Variants in MDN1 observed in about 807,000 individuals in gnomAD.
The protein encoded by MDN1 is midasin AAA ATPase 1.
A neutral mutation model predicts 669.2 loss-of-function variants in MDN1; 266 were observed. That is an observed-to-expected ratio of 0.40 (90% confidence interval 0.36 to 0.44). MDN1 has a LOEUF of 0.44. Ranked by LOEUF, MDN1 falls within the 20% of genes least tolerant of loss-of-function variation. The probability of loss-of-function intolerance (pLI) is 1.00; values close to 1 mark genes in which losing one functional copy is unlikely to be tolerated. For missense variants in MDN1, 5,940 were observed against 6,754.0 expected, an observed-to-expected ratio of 0.88 and a Z score of 4.22; for synonymous variants, 2,385 against 2,457.1, an observed-to-expected ratio of 0.97 and a Z score of 0.87.
At chr6:89,782,068 C>T (rs922419886) in intron 9 of MDN1, among the ~76,000 whole-genome samples, 6 of 152,152 alleles carry the variant, frequency 3.9e-5, no homozygotes, top group African/African-American at 1.4e-4. Flanking sequence ...CTCCTGTTCC[C>T]ACCCACCTAT....
intron 9 of MDN1, among the ~76,000 whole-genome samples, chr6:89,784,671 C>G (rs1818860731): frequency 6.6e-6 from 1 of 152,126 alleles, no homozygotes; most frequent in African/African-American, 2.4e-5. Context: ...TACTTCAAAT[C>G]AACTTAGTAA....
At chr6:89,670,870 T>G (rs1810704083) in intron 83 of MDN1, 49 bp downstream of exon 83, 1 of 1,564,002 alleles carries the variant, frequency 6.4e-7, no homozygotes, top group Non-Finnish European at 8.7e-7. Context: ...TGACATGAAA[T>G]TTACTTGGGT....
chr6:89,816,525 G>C (rs1768845338), intron 1 of MDN1, among the ~76,000 whole-genome samples: 1 of 151,870 alleles, frequency 6.6e-6, no homozygotes, highest in African/African-American at 2.4e-5. Context: ...AGGAGTTCTA[G>C]ACCAGCCTGG....
At position 89,654,332 on chromosome 6, in the gene MDN1, C is replaced by T; in HGVS notation, c.15493G>A (p.Val5165Met). Residue 5165 changes from valine to methionine, a missense_variant and splice_region_variant, in exon 93 of 102, where the codon GTG becomes ATG. Val to Met is a conservative substitution (Grantham distance 21). This residue lies in a region of MDN1 where 2,280 missense variants were observed against 2,576.3 expected (regional missense o/e 0.88). Coordinates refer to ENST00000369393, the MANE Select transcript of MDN1 (RefSeq NM_014611.3). ...GACTGTTGCTGTTCTTTGCTGGCCA[C>T]ATCTGTCAACAAAGCACGCACCCAC... ...SDAYDAQTYD[V>M]ASKEQQQSAK... 1.2e-6 allele frequency: 2 copies of T among 1,614,126 alleles called. No individual in the cohort carries two copies. Among genetic ancestry groups the T allele is most frequent in the Non-Finnish European group, 1.7e-6 (2 of 1,180,006 alleles).
At chr6:89,666,774 C>T (rs911239060) in intron 84 of MDN1, among the ~76,000 whole-genome samples, 2 of 152,248 alleles carry the variant, frequency 1.3e-5, no homozygotes, top group Admixed American at 6.5e-5. Flanking sequence ...TAGAACTGCA[C>T]TCTAGCCTGG....
chr6:89,681,195 A>G (rs923373976), intron 73 of MDN1, among the ~76,000 whole-genome samples: 8 of 150,986 alleles, frequency 5.3e-5, no homozygotes, highest in African/African-American at 1.9e-4. Context: ...TTTTTTTGAG[A>G]CAGGGTCTGG....
chr6:89,708,440 T>C (rs922811421), intron 51 of MDN1, 56 bp downstream of exon 51: 1 of 1,593,352 alleles, frequency 6.3e-7, no homozygotes, highest in African/African-American at 1.3e-5. Flanking sequence ...TTAGGAAAGG[T>C]ATAATCCGAG....
At chr6:89,704,689 C>T (rs146609577) in intron 53 of MDN1, among the ~76,000 whole-genome samples, 10,607 of 152,214 alleles carry the variant, frequency 0.07, 519 homozygotes, top group Non-Finnish European at 0.11. Flanking sequence ...TGGGTTCAAG[C>T]GATTCTCCTG....
chr6:89,684,408 A>T (rs1358607003), intron 71 of MDN1, among the ~76,000 whole-genome samples: 84 of 151,992 alleles, frequency 5.5e-4, no homozygotes, highest in Non-Finnish European at 2.9e-5. Flanking sequence ...AAAAAAAAAA[A>T]AGAGTGCTGC....
intron 32 of MDN1, among the ~76,000 whole-genome samples, chr6:89,739,808 T>G (rs1455942343): frequency 2.0e-5 from 3 of 152,200 alleles, no homozygotes; most frequent in Non-Finnish European, 4.4e-5. Context: ...TTCCTGGTTG[T>G]GACTTTTTTG....
In MDN1 at chr6:89,643,921, G is replaced by A; in HGVS notation, c.*84C>T. 1 of 1,154,746 alleles carries A rather than the reference G, an allele frequency of 8.7e-7. No homozygotes were observed. Among genetic ancestry groups the A allele is most frequent in the Non-Finnish European group, 1.2e-6 (1 of 838,290 alleles). The allele number at this position is 1,154,746 out of a possible 1,614,324, so 71.5% of individuals were successfully genotyped here. On this transcript the variant is annotated 3_prime_UTR_variant, in exon 102 of 102. Coordinates refer to ENST00000369393, the MANE Select transcript of MDN1 (RefSeq NM_014611.3). ...TAAAAATATTACAATAAAATTTTTT[G>A]TAGTTGTCCAAAAGGGAGCACCTGG...
chr6:89,787,864 C>T lies in MDN1; in HGVS notation c.1324G>A (p.Ala442Thr). The T allele has an allele frequency of 1.2e-6, 2 of 1,612,608 alleles. No individual in the cohort carries two copies. The highest frequency in any genetic ancestry group is 1.7e-6 in the Non-Finnish European group (2 of 1,179,666). ...GTTACTAGTACATACCTCCTGGTTG[C>T]AAAAAACTGAAATCCAGGTGCCACT... Reference protein sequence around the residue: ...LKVAPGFQFFATRRLLSCGGN... With the variant: ...LKVAPGFQFFTTRRLLSCGGN... Residue 442 changes from alanine (A) to threonine (T), a missense_variant, in exon 8 of 102, where the codon GCA becomes ACA. Transcript: ENST00000369393.
chr6:89,746,618 AG>A (rs1562173102), intron 27 of MDN1, among the ~76,000 whole-genome samples: 3 of 10,546 alleles, frequency 2.8e-4, no homozygotes, highest in East Asian at 4.2e-3. Context: ...AAAAAAAGAA[AG>A]AAAGAAAGAA....
intron 37 of MDN1, among the ~76,000 whole-genome samples, chr6:89,726,380 G>A (rs1267946640): frequency 6.7e-6 from 1 of 149,662 alleles, no homozygotes; most frequent in Non-Finnish European, 1.5e-5. Context: ...TCACGATTCA[G>A]TTGAACCTGG....
intron 46 of MDN1, 58 bp from the exon 47 acceptor site, chr6:89,713,354 A>T (rs1274364804): frequency 2.0e-6 from 3 of 1,465,552 alleles, no homozygotes; most frequent in Non-Finnish European, 1.9e-6. Flanking sequence ...TCCAATGAAA[A>T]TGGATAAATT....
intron 25 of MDN1, 21 bp downstream of exon 25, chr6:89,749,522 A>C (rs1699044193): frequency 6.2e-7 from 1 of 1,611,890 alleles, no homozygotes; most frequent in Non-Finnish European, 8.5e-7. Context: ...AAATTGAAGG[A>C]AGGAGACAAA....
intron 81 of MDN1, 23 bp from the exon 82 acceptor site, chr6:89,672,386 A>G: frequency 1.9e-6 from 3 of 1,609,420 alleles, no homozygotes; most frequent in East Asian, 2.2e-5. Flanking sequence ...TTCAGAGAAA[A>G]TAACAACATG....
chr6:89,690,936 C>A, intron 63 of MDN1, 102 bp from the exon 64 acceptor site: 1 of 1,343,756 alleles, frequency 7.4e-7, no homozygotes, highest in South Asian at 1.4e-5. Flanking sequence ...AGTATCATGA[C>A]TCAAAAACAA....
At position 89,794,713 on chromosome 6, in the gene MDN1, G is replaced by A. The variant is rs372721446; in HGVS notation, c.418C>T (p.Arg140Cys). The A allele has an allele frequency of 3.1e-5, 50 of 1,614,136 alleles. No individual in the cohort carries two copies. The highest frequency in any genetic ancestry group is 2.9e-4 in the East Asian group (13 of 44,884). ...AGGTCCCGGAGCTTCATCCTCCTAC[G>A]TCCATAGCGTACTGGATTAGCATCT... is the stretch of plus-strand genomic sequence containing the variant. ...SSDANPVRYG[R>C]RRMKLRDLME... The change falls in exon 3 of 102, where the codon CGT (arginine) becomes TGT (cysteine). Residue 140 changes from arginine (R) to cysteine (C), a missense_variant. Transcript: ENST00000369393.
Sources: allele counts gnomAD v4.1 joint callset (sites outside exome capture counted in the v4.1 genomes callset), GRCh38; gene constraint gnomAD v4.1.1; regional missense constraint gnomAD v4.1.1; transcripts MANE v1.5; gene names NCBI Gene and HGNC (gene_info 2026-07-23, HGNC 2026-07-21).